PRG2: variants seen among roughly 807,000 people sequenced by gnomAD.
The protein encoded by PRG2 is proteoglycan 2, pro eosinophil major basic protein, also known as bone marrow proteoglycan.
A neutral mutation model predicts 24.7 loss-of-function variants in PRG2; 23 were observed. That is an observed-to-expected ratio of 0.93 (90% CI 0.67 to 1.32). The LOEUF is 1.32. Among genes scored for constraint, PRG2 ranks in the 40% most tolerant of loss-of-function variants. PRG2 has a pLI of 0.00. For synonymous variants in PRG2, 104 were observed against 99.8 expected (o/e 1.04, Z -0.25); for missense variants, 271 against 280.9 (o/e 0.96, Z 0.25).
chr11:57,388,536 A>C (rs775370484), intron 4 of PRG2, 41 bp downstream of exon 4: 4 of 1,608,180 alleles, frequency 2.5e-6, no homozygotes, highest in Non-Finnish European at 3.4e-6. Context: ...GCTGGCTGAG[A>C]TCAGCAGGTG....
intron 2 of PRG2, 88 bp from the exon 3 acceptor site, chr11:57,389,405 C>T: frequency 7.2e-7 from 1 of 1,391,764 alleles, no homozygotes; most frequent in Non-Finnish European, 9.7e-7. Context: ...TTGCCCTGGG[C>T]ATCAGAGTGC....
At position 57,386,882 on chromosome 11, in the gene PRG2, A is replaced by G. The variant is rs1466070064; in HGVS notation, c.*593T>C. The G allele has an allele frequency of 2.6e-5, 4 of 152,326 alleles. No individual in the cohort carries two copies. The highest frequency in any genetic ancestry group is 9.6e-5 in the African/African-American group (4 of 41,466). The allele number at this position is 152,326 out of a possible 1,614,324, so 9.4% of individuals were successfully genotyped here. ...CATAAAAATGCATGGAATAAGGCCA[A>G]CTACCACAGCAGGCCACTGGGAAAT... On this transcript the variant is annotated 3_prime_UTR_variant, in exon 6 of 6. Transcript: ENST00000311862.
At position 57,388,631 on chromosome 11, in the gene PRG2, A is replaced by G. The variant is rs1857094726; in HGVS notation, c.444T>C (p.Ser148=). 1.2e-6 allele frequency: 2 copies of G among 1,614,072 alleles called. No homozygotes were observed. The highest frequency in any genetic ancestry group is 1.7e-6 in the Non-Finnish European group (2 of 1,179,938). The change falls in exon 4 of 6, where the codon TCT becomes TCC. Residue 148 remains serine, a synonymous_variant. Transcript: ENST00000311862. ...CTTGACCCTGGTTGAGCGCGCTGACAGAACACTGGATTCGATAATTAATAT... is the reference window on the plus strand; with the variant it reads ...CTTGACCCTGGTTGAGCGCGCTGACGGAACACTGGATTCGATAATTAATAT... ...NFNINYRIQC[S]VSALNQGQVW...
Position 57,386,915 on chromosome 11 carries a change from A to C in PRG2, c.*560T>G, listed in dbSNP as rs1443187479. 1 of 152,302 alleles carries C rather than the reference A, an allele frequency of 6.6e-6. No homozygotes were observed. The highest frequency in any genetic ancestry group is 6.5e-5 in the Admixed American group (1 of 15,282). 9.4% of individuals were successfully genotyped at this position (152,302 alleles called of 1,614,324 possible). On this transcript the variant is annotated 3_prime_UTR_variant, in exon 6 of 6. Coordinates refer to ENST00000311862, the MANE Select transcript of PRG2 (RefSeq NM_002728.6). The stretch of plus-strand genomic sequence containing the variant: ...AGCAGGCCACTGGGAAATGGTGCCC[A>C]ATACATGTTAGATTTATTCCACTTG...
At chr11:57,389,844 G>A in intron 2 of PRG2, 43 bp downstream of exon 2, 1 of 1,536,100 alleles carries the variant, frequency 6.5e-7, no homozygotes, top group Non-Finnish European at 9.0e-7. Context: ...CCATAGAAAG[G>A]GAAAAAACAG....
chr11:57,387,675 G>A (rs1857071142), intron 5 of PRG2, 79 bp downstream of exon 5: 5 of 1,396,904 alleles, frequency 3.6e-6, no homozygotes, highest in Non-Finnish European at 4.9e-6. Context: ...CAAAGGGTCA[G>A]GCTCTTTGTA....
In PRG2 at chr11:57,387,747, A is replaced by G. The variant is rs1277603831; in HGVS notation, c.610+7T>C. 6.4e-7 allele frequency: 1 copy of G among 1,558,554 alleles called. No individual in the cohort carries two copies. The highest frequency in any genetic ancestry group is 1.4e-5 in the African/African-American group (1 of 73,924). ...CTTTCCATCGTTCATCCCCAGCCCC[A>G]CCTCACCTCGGGTACACAGGGCCAC... On this transcript the variant is annotated splice_region_variant and intron_variant, in intron 5 of 5. Transcript: ENST00000311862.
chr11:57,387,355 A>G lies in PRG2; in HGVS notation c.*120T>C. 1 of 882,266 alleles carries G rather than the reference A, an allele frequency of 1.1e-6. No homozygotes were observed. Among genetic ancestry groups the G allele is most frequent in the Non-Finnish European group, 1.8e-6 (1 of 556,018 alleles). The allele number at this position is 882,266 out of a possible 1,614,324, so 54.7% of individuals were successfully genotyped here. ...GAGTGGATCCGCGATCAGAGGAGAAAATAAATCCATTTCAGTAAAACCCAT... is the reference window on the plus strand; with the variant it reads ...GAGTGGATCCGCGATCAGAGGAGAAGATAAATCCATTTCAGTAAAACCCAT... On this transcript the variant is annotated 3_prime_UTR_variant, in exon 6 of 6. Coordinates refer to ENST00000311862, the MANE Select transcript of PRG2 (RefSeq NM_002728.6).
At chr11:57,387,958 C>G in intron 4 of PRG2, 93 bp from the exon 5 acceptor site, 9 of 893,844 alleles carry the variant, frequency 1.0e-5, no homozygotes, top group Non-Finnish European at 1.5e-5. Flanking sequence ...CTGCTGCCCA[C>G]CGGGCAATGG....
intron 5 of PRG2, 50 bp downstream of exon 5, chr11:57,387,704 A>G: frequency 6.8e-7 from 1 of 1,464,498 alleles, no homozygotes; most frequent in East Asian, 2.4e-5. Flanking sequence ...TCCTTGGGGC[A>G]CTTCCCATCT....
At chr11:57,387,627 G>T in intron 5 of PRG2, 94 bp from the exon 6 acceptor site, 2 of 1,413,796 alleles carry the variant, frequency 1.4e-6, no homozygotes, top group African/African-American at 1.4e-5. Context: ...CACTGCTGTG[G>T]AGTCAGAGTA....
chr11:57,387,203 A>AAAAGGCTCC lies in PRG2; in HGVS notation c.*263_*271dup, dbSNP rs1857060071. 2.6e-6 allele frequency: 1 copy of AAAAGGCTCC among 381,786 alleles called. No homozygotes were observed. The highest frequency in any genetic ancestry group is 4.7e-6 in the Non-Finnish European group (1 of 212,898). 23.6% of individuals were successfully genotyped at this position (381,786 alleles called of 1,614,324 possible). On this transcript the variant is annotated 3_prime_UTR_variant, in exon 6 of 6. Coordinates refer to ENST00000311862, the MANE Select transcript of PRG2 (RefSeq NM_002728.6). ...TAGCTGAGCCCATTCCTCCATCTCCAAAAGGCTCCATAGACCCAACTCCAC... is the reference window on the plus strand; with the variant it reads ...TAGCTGAGCCCATTCCTCCATCTCCAAAAGGCTCCAAAGGCTCCATAGACCCAACTCCAC...
intron 2 of PRG2, 149 bp from the exon 3 acceptor site, chr11:57,389,466 C>A (rs1857117017): frequency 3.4e-6 from 3 of 890,436 alleles, no homozygotes; most frequent in Non-Finnish European, 5.0e-6. Context: ...ATGAGGGGAA[C>A]CCAAGCTGCC....
intron 4 of PRG2, 126 bp from the exon 5 acceptor site, chr11:57,387,991 T>G (rs777482530): frequency 1.1e-5 from 7 of 650,148 alleles, no homozygotes; most frequent in Non-Finnish European, 1.3e-5. Flanking sequence ...TGGACCATGA[T>G]GGGAACTGTC....
At chr11:57,389,793 G>A (rs752163242) in intron 2 of PRG2, 94 bp downstream of exon 2, 33 of 1,142,160 alleles carry the variant, frequency 2.9e-5, no homozygotes, top group East Asian at 7.2e-5. Flanking sequence ...AATAGAAGAC[G>A]ATCAAAGAAG....
In PRG2 at chr11:57,389,026, G is replaced by A. The variant is rs151198699; in HGVS notation, c.350C>T (p.Thr117Met). ...GCCACTCACCCAAGCTTGACTAAAC[G>A]TCTGAAGACTTCTCACCAGGAGGTA... ...CRYLLVRSLQ[T>M]FSQAWFTCRR... The change falls in exon 3 of 6, where the codon ACG becomes ATG. Residue 117 changes from threonine (T) to methionine (M), a missense_variant. Thr to Met is a moderately conservative substitution (Grantham distance 81). Coordinates refer to ENST00000311862, the MANE Select transcript of PRG2 (RefSeq NM_002728.6). 5.4e-5 allele frequency: 87 copies of A among 1,613,886 alleles called. No individual in the cohort carries two copies. In the East Asian group the frequency reaches 5.8e-4, roughly 11 times the overall value.
chr11:57,389,372 C>A, intron 2 of PRG2, 55 bp from the exon 3 acceptor site: 1 of 1,545,288 alleles, frequency 6.5e-7, no homozygotes, highest in South Asian at 1.2e-5. Flanking sequence ...TGTTCCTCCC[C>A]AGAACCACAG....
In PRG2 at chr11:57,387,249, GAGT is replaced by G; in HGVS notation, c.*223_*225del. 1 of 499,768 alleles carries G rather than the reference GAGT, an allele frequency of 2.0e-6. No individual in the cohort carries two copies. The highest frequency in any genetic ancestry group is 2.7e-5 in the South Asian group (1 of 36,540). The allele number at this position is 499,768 out of a possible 1,614,324, so 31.0% of individuals were successfully genotyped here. A position where few individuals can be genotyped will look rare whatever the true frequency, so the allele number is the denominator to read the frequency against. ...TCCACCCTCCATCCTCCTCCTCAAG[GAGT>G]AGTAGCTTCTGACACTTCTATGAAA... On this transcript the variant is annotated 3_prime_UTR_variant, in exon 6 of 6. Transcript: ENST00000311862.
At chr11:57,389,582 A>T (rs937889561) in intron 2 of PRG2, among the ~76,000 whole-genome samples, 5 of 152,194 alleles carry the variant, frequency 3.3e-5, no homozygotes, top group African/African-American at 9.7e-5. Context: ...ATGGGTATAC[A>T]ATACCACCTA....
Sources: allele counts gnomAD v4.1 joint callset (sites outside exome capture counted in the v4.1 genomes callset), GRCh38; gene constraint gnomAD v4.1.1; transcripts MANE v1.5; gene names NCBI Gene and HGNC (gene_info 2026-07-23, HGNC 2026-07-21).